MYO1E: variants seen among roughly 807,000 people sequenced by gnomAD.
The protein encoded by MYO1E is unconventional myosin-Ie.
Under a neutral mutation model 151.1 loss-of-function variants are expected in MYO1E, and 68 were observed. That is an observed-to-expected ratio of 0.45 (90% CI 0.37 to 0.55). The LOEUF is 0.55. MYO1E is among the 20% of genes least tolerant of loss of function. The pLI, the probability that MYO1E is intolerant of heterozygous loss-of-function variation, is 0.00. For synonymous variants in MYO1E, 601 were observed against 501.7 expected (o/e 1.20, Z -2.64); for missense variants, 1,363 against 1,389.3 (o/e 0.98, Z 0.30).
chr15:59,240,944 A>G (rs2080095986), intron 4 of MYO1E, among the ~76,000 whole-genome samples: 1 of 152,254 alleles, frequency 6.6e-6, no homozygotes, highest in South Asian at 2.1e-4. Context: ...GAGCTCACTC[A>G]CTGTCTTACA....
At chr15:59,211,298 T>C (rs2079877476) in intron 12 of MYO1E, among the ~76,000 whole-genome samples, 1 of 152,078 alleles carries the variant, frequency 6.6e-6, no homozygotes, top group African/African-American at 2.4e-5. Flanking sequence ...TCATTTAACT[T>C]GAACACCACA....
At chr15:59,166,600 C>G (rs961487029) in intron 22 of MYO1E, among the ~76,000 whole-genome samples, 2 of 151,732 alleles carry the variant, frequency 1.3e-5, no homozygotes, top group African/African-American at 4.8e-5. Flanking sequence ...ATAGCCCTGC[C>G]TTTATTTAAG....
chr15:59,158,418 G>A, intron 24 of MYO1E, 39 bp from the exon 25 acceptor site: 2 of 1,502,114 alleles, frequency 1.3e-6, no homozygotes, highest in South Asian at 1.2e-5. Flanking sequence ...AGTGCTACTG[G>A]TTGGTTTTAT....
At chr15:59,209,598 C>T (rs771856465) in intron 13 of MYO1E, among the ~76,000 whole-genome samples, 3 of 151,910 alleles carry the variant, frequency 2.0e-5, no homozygotes, top group Non-Finnish European at 2.9e-5. Context: ...ATCGCTTGAA[C>T]CCGGGAGGTG....
intron 1 of MYO1E, among the ~76,000 whole-genome samples, chr15:59,300,866 C>CTTTT (rs58955743): frequency 6.3e-5 from 8 of 127,120 alleles, no homozygotes; most frequent in South Asian, 2.5e-4. Flanking sequence ...CCTTTTTTTT[C>CTTTT]TTTTTTTTTT....
intron 19 of MYO1E, among the ~76,000 whole-genome samples, chr15:59,175,794 G>A (rs2079621154): frequency 6.6e-6 from 1 of 152,182 alleles, no homozygotes; most frequent in South Asian, 2.1e-4. Context: ...AGGATGAACA[G>A]GCAAACGATT....
At chr15:59,367,517 A>T (rs76448327) in intron 1 of MYO1E, among the ~76,000 whole-genome samples, 1 of 152,220 alleles carries the variant, frequency 6.6e-6, no homozygotes, top group Admixed American at 6.5e-5. Context: ...AGGTGTTGAG[A>T]TAGCGCCAAA....
intron 1 of MYO1E, among the ~76,000 whole-genome samples, chr15:59,323,896 T>C (rs2080645103): frequency 6.6e-6 from 1 of 151,786 alleles, no homozygotes; most frequent in South Asian, 2.1e-4. Flanking sequence ...GCGGGATGTG[T>C]GTTCTGAGTT....
At chr15:59,306,493 C>A (rs2080515529) in intron 1 of MYO1E, among the ~76,000 whole-genome samples, 1 of 152,214 alleles carries the variant, frequency 6.6e-6, no homozygotes, top group Admixed American at 6.5e-5. Flanking sequence ...TCACTCACTC[C>A]TCATCCTCGT....
At chr15:59,362,998 C>T (rs1443638398) in intron 1 of MYO1E, among the ~76,000 whole-genome samples, 6 of 102,880 alleles carry the variant, frequency 5.8e-5, no homozygotes, top group Non-Finnish European at 7.8e-5. Context: ...TTTTTTGAGA[C>T]GGAGTCTCGC....
At chr15:59,351,594 T>C (rs17236585) in intron 1 of MYO1E, among the ~76,000 whole-genome samples, 20,979 of 152,218 alleles carry the variant, frequency 0.14, 1,674 homozygotes, top group East Asian at 0.29. Flanking sequence ...ATTGCGCTGA[T>C]GCTATTTCTG....
chr15:59,284,765 G>A (rs894087158), intron 1 of MYO1E, among the ~76,000 whole-genome samples: 21 of 151,716 alleles, frequency 1.4e-4, no homozygotes, highest in African/African-American at 3.4e-4. Context: ...GTAAGCCACC[G>A]TGCCCAGCCT....
intron 7 of MYO1E, among the ~76,000 whole-genome samples, chr15:59,227,132 C>A (rs1596374992): frequency 6.6e-6 from 1 of 152,188 alleles, no homozygotes; most frequent in African/African-American, 2.4e-5. Context: ...CCGGGCTCTA[C>A]CTCCTTCACA....
At chr15:59,315,864 A>G (rs1285564150) in intron 1 of MYO1E, among the ~76,000 whole-genome samples, 2 of 152,240 alleles carry the variant, frequency 1.3e-5, no homozygotes, top group African/African-American at 4.8e-5. Context: ...GGCTTAGCAT[A>G]AAAACTTGCA....
At chr15:59,314,145 G>A (rs1285473865) in intron 1 of MYO1E, among the ~76,000 whole-genome samples, 1 of 152,162 alleles carries the variant, frequency 6.6e-6, no homozygotes, top group Admixed American at 6.5e-5. Flanking sequence ...GTAGCCAGAG[G>A]GGCAGAGGTG....
At chr15:59,314,472 C>T (rs1274435335) in intron 1 of MYO1E, among the ~76,000 whole-genome samples, 4 of 152,158 alleles carry the variant, frequency 2.6e-5, no homozygotes, top group African/African-American at 7.2e-5. Context: ...GAGGTAGCAG[C>T]CATGATGGTT....
chr15:59,218,922 G>C (rs749537832), intron 9 of MYO1E, among the ~76,000 whole-genome samples: 1 of 152,194 alleles, frequency 6.6e-6, no homozygotes, highest in Non-Finnish European at 1.5e-5. Flanking sequence ...GGCTACAGGT[G>C]AAAGTTCAGG....
chr15:59,245,419 A>G (rs771352376), intron 4 of MYO1E, among the ~76,000 whole-genome samples: 2 of 152,186 alleles, frequency 1.3e-5, no homozygotes, highest in African/African-American at 2.4e-5. Context: ...CTTTTCCTCT[A>G]TGAAAACTCT....
At chr15:59,193,172 C>T (rs1225502223) in intron 17 of MYO1E, among the ~76,000 whole-genome samples, 1 of 151,054 alleles carries the variant, frequency 6.6e-6, no homozygotes, top group East Asian at 1.9e-4. Context: ...TGGGCCCCAC[C>T]TGAGACCCAC....
Sources: allele counts gnomAD v4.1 joint callset (sites outside exome capture counted in the v4.1 genomes callset), GRCh38; gene constraint gnomAD v4.1.1; transcripts MANE v1.5; gene names NCBI Gene and HGNC (gene_info 2026-07-23, HGNC 2026-07-21).